The following COX10 variants were observed in gnomAD, a reference collection of about 807,000 sequenced individuals.
COX10 encodes the protein protoheme IX farnesyltransferase, mitochondrial.
Under a neutral mutation model 37.3 loss-of-function variants are expected in COX10, and 27 were observed. That is an observed-to-expected ratio of 0.72 (90% CI 0.53 to 1.00). The LOEUF (loss-of-function observed/expected upper bound fraction) is 1.00. COX10 is among the 50% of genes least tolerant of loss of function. The pLI is 0.00. For synonymous variants in COX10, 222 were observed against 229.1 expected (o/e 0.97, Z 0.28); for missense variants, 475 against 563.2 (o/e 0.84, Z 1.59).
intron 5 of COX10, among the ~76,000 whole-genome samples, chr17:14,164,883 A>T (rs1322278559): frequency 6.6e-6 from 1 of 152,200 alleles, no homozygotes; most frequent in East Asian, 1.9e-4. Context: ...GATGAAAGAG[A>T]TCACGTAGGG....
In COX10 at chr17:14,086,868, A is replaced by G. The variant is rs991428681; in HGVS notation, c.499+9812A>G. Reference sequence around the variant, plus strand: ...ATAGATATATAGAGATACTCTTTCTACTAGCTTTCTTCATTATAATTTTCC... The same window carrying G: ...ATAGATATATAGAGATACTCTTTCTGCTAGCTTTCTTCATTATAATTTTCC... On this transcript the variant is annotated intron_variant, in intron 3 of 6. Transcript: ENST00000261643. Among the ~76,000 whole-genome samples the G allele has an allele frequency of 3.3e-5, 5 of 152,094 alleles. 1 individual carries two copies. Among genetic ancestry groups the G allele is most frequent in the Admixed American group, 2.0e-4 (3 of 15,274 alleles).
chr17:14,181,611 T>C (rs1427383798), intron 5 of COX10, among the ~76,000 whole-genome samples: 2 of 152,156 alleles, frequency 1.3e-5, no homozygotes, highest in African/African-American at 2.4e-5. Context: ...ATTTTTTAAG[T>C]AGAGTCTTAT....
intron 4 of COX10, among the ~76,000 whole-genome samples, chr17:14,138,565 G>A (rs577231682): frequency 4.6e-5 from 7 of 152,220 alleles, no homozygotes; most frequent in Non-Finnish European, 1.0e-4. Flanking sequence ...TTGAGTGCTA[G>A]CTATATAAGT....
At chr17:14,199,358 C>A (rs1479646476) in intron 6 of COX10, among the ~76,000 whole-genome samples, 1 of 152,162 alleles carries the variant, frequency 6.6e-6, no homozygotes, top group African/African-American at 2.4e-5. Flanking sequence ...GATGGAAAGA[C>A]CTTCCAATAT....
intron 4 of COX10, among the ~76,000 whole-genome samples, chr17:14,156,641 C>T (rs1251908651): frequency 1.3e-5 from 2 of 152,190 alleles, no homozygotes; most frequent in Non-Finnish European, 2.9e-5. Flanking sequence ...CTGCCTCCTA[C>T]GCATTTGTTT....
At chr17:14,137,884 A>G (rs1278233453) in intron 4 of COX10, among the ~76,000 whole-genome samples, 1 of 150,524 alleles carries the variant, frequency 6.6e-6, no homozygotes, top group Non-Finnish European at 1.5e-5. Flanking sequence ...CATTATTCAG[A>G]TAGAGTTTTG....
chr17:14,092,431 A>G lies in COX10; in HGVS notation c.500-9687A>G, dbSNP rs561678853. ...AGAAAGGAAAACAGGAAGCCCTAAT[A>G]AATTCTTACCTTTGTGGCTGTGGTG... On this transcript the variant is annotated intron_variant, in intron 3 of 6. Coordinates refer to ENST00000261643, the MANE Select transcript of COX10 (RefSeq NM_001303.4). 1.7e-4 allele frequency among the ~76,000 whole-genome samples: 26 copies of G among 152,228 alleles called. No individual in the cohort carries two copies. In the South Asian group the frequency reaches 5.0e-3, roughly 29 times the overall value.
At chr17:14,134,954 GT>G (rs1428382600) in intron 4 of COX10, among the ~76,000 whole-genome samples, 1 of 151,558 alleles carries the variant, frequency 6.6e-6, no homozygotes, top group East Asian at 1.9e-4. Flanking sequence ...TTTTAAAAAT[GT>G]TTTTTGAGTC....
intron 4 of COX10, among the ~76,000 whole-genome samples, chr17:14,116,961 T>C (rs1916128256): frequency 6.6e-6 from 1 of 152,230 alleles, no homozygotes; most frequent in Non-Finnish European, 1.5e-5. Context: ...AACTCCTGTT[T>C]CTTCACACAC....
intron 5 of COX10, among the ~76,000 whole-genome samples, chr17:14,168,798 C>T (rs537635118): frequency 6.6e-6 from 1 of 152,282 alleles, no homozygotes; most frequent in Admixed American, 6.5e-5. Flanking sequence ...GCTCAGCCCA[C>T]GAAGCCATTT....
intron 2 of COX10, among the ~76,000 whole-genome samples, chr17:14,075,283 G>A (rs2142180989): frequency 6.6e-6 from 1 of 152,286 alleles, no homozygotes; most frequent in South Asian, 2.1e-4. Flanking sequence ...ATTCAAATAT[G>A]TGTAATGCCC....
chr17:14,145,526 C>G lies in COX10; in HGVS notation c.625-14351C>G, dbSNP rs77233925. 4.8e-3 allele frequency among the ~76,000 whole-genome samples: 728 copies of G among 152,038 alleles called. 28 individuals carry two copies. The East Asian group carries it at 0.088, about 18-fold the overall frequency. ...TTTCCTTGAGAAACCGAAGGTAGCT[C>G]AGAATGCTTAGAGTACAGCATGAAA... On this transcript the variant is annotated intron_variant, in intron 4 of 6. Coordinates refer to ENST00000261643, the MANE Select transcript of COX10 (RefSeq NM_001303.4).
chr17:14,170,197 A>G (rs140738236), intron 5 of COX10, among the ~76,000 whole-genome samples: 84 of 152,350 alleles, frequency 5.5e-4, no homozygotes, highest in African/African-American at 1.9e-3. Context: ...TAGCAACACA[A>G]AATGGACTAA....
At chr17:14,082,937 G>T (rs952903935) in intron 3 of COX10, among the ~76,000 whole-genome samples, 1 of 152,184 alleles carries the variant, frequency 6.6e-6, no homozygotes, top group African/African-American at 2.4e-5. Flanking sequence ...TAGGTGTTAG[G>T]TAGGCAGCGA....
chr17:14,153,094 A>G (rs906210217), intron 4 of COX10, among the ~76,000 whole-genome samples: 2 of 152,318 alleles, frequency 1.3e-5, no homozygotes, highest in South Asian at 4.1e-4. Context: ...ATTCTGGGCA[A>G]TGTAGTTCTG....
intron 4 of COX10, among the ~76,000 whole-genome samples, chr17:14,148,722 T>C (rs1904802685): frequency 6.6e-6 from 1 of 152,110 alleles, no homozygotes; most frequent in African/African-American, 2.4e-5. Context: ...TAGGATGTAA[T>C]TAATCAAAGT....
At chr17:14,206,574 G>A (rs1319139256) in intron 6 of COX10, among the ~76,000 whole-genome samples, 1 of 152,094 alleles carries the variant, frequency 6.6e-6, no homozygotes, top group Non-Finnish European at 1.5e-5. Flanking sequence ...CTGCCCCCAG[G>A]CACACTGGCA....
intron 5 of COX10, among the ~76,000 whole-genome samples, chr17:14,173,291 G>C (rs1373536390): frequency 1.3e-5 from 2 of 152,186 alleles, no homozygotes. Flanking sequence ...CTCCTAGGTG[G>C]GAGAAATACA....
At chr17:14,137,710 T>C (rs1904415121) in intron 4 of COX10, among the ~76,000 whole-genome samples, 1 of 151,912 alleles carries the variant, frequency 6.6e-6, no homozygotes, top group African/African-American at 2.4e-5. Context: ...CTAATACAAA[T>C]CCCTTTAAAA....
Sources: allele counts gnomAD v4.1 joint callset (sites outside exome capture counted in the v4.1 genomes callset), GRCh38; gene constraint gnomAD v4.1.1; transcripts MANE v1.5; gene names NCBI Gene and HGNC (gene_info 2026-07-23, HGNC 2026-07-21).